ARAP3: variants seen among roughly 807,000 people sequenced by gnomAD.
ARAP3 encodes the protein arf-GAP with Rho-GAP domain, ANK repeat and PH domain-containing protein 3.
A neutral mutation model predicts 169.2 loss-of-function variants in ARAP3; 82 were observed. The ratio of observed to expected loss-of-function variants is 0.48; its 90% CI spans 0.41 to 0.58. The LOEUF (loss-of-function observed/expected upper bound fraction) is 0.58, where lower values mean the gene tolerates loss of function less well. Ranked by LOEUF, ARAP3 falls within the 20% of genes least tolerant of loss-of-function variation. ARAP3 has a pLI of 0.00. For missense variants in ARAP3, 1,764 were observed against 2,018.0 expected, an observed-to-expected ratio of 0.87 and a Z score of 2.41; for synonymous variants, 791 against 800.3, an observed-to-expected ratio of 0.99 and a Z score of 0.20.
chr5:141,670,014 T>A lies in ARAP3; in HGVS notation c.2157A>T (p.Ala719=). 1 of 1,597,770 alleles carries A rather than the reference T, an allele frequency of 6.3e-7. No individual in the cohort carries two copies. Reference sequence around the variant, plus strand: ...TGAGGGGTTCAGGGCTGTTTTCCGATGCAAACATTTCCAGAGCTGCTCCCA... The same window carrying A: ...TGAGGGGTTCAGGGCTGTTTTCCGAAGCAAACATTTCCAGAGCTGCTCCCA... The part of the protein sequence containing the change: ...CVLGAALEMF[A]SENSPEPLSL... The change falls in exon 15 of 33, where the codon GCA becomes GCT. Residue 719 remains alanine, a synonymous_variant. Coordinates refer to ENST00000239440, the MANE Select transcript of ARAP3 (RefSeq NM_022481.6).
At position 141,672,567 on chromosome 5, in the gene ARAP3, G is replaced by C. The variant is rs751183357; in HGVS notation, c.1370C>G (p.Pro457Arg). ...TKSRSFDLLT[P>R]HRCFSFTAES... ...CAGGCCCCACCTGAAGCAGCGATGG[G>C]GTGTGAGCAGGTCAAAGCTTCGACT... Residue 457 changes from proline (P) to arginine (R), a missense_variant, in exon 9 of 33, where the codon CCC (proline) becomes CGC (arginine). Around this residue, in one of 3 missense-constraint regions of ARAP3, gnomAD observed 630 missense variants for 678.7 expected, o/e 0.93. Transcript: ENST00000239440. The surrounding 1 kb of genome is among the most constrained non-coding windows in gnomAD (Gnocchi z 4.9). 1.1e-5 allele frequency: 17 copies of C among 1,614,028 alleles called. No homozygotes were observed. The highest frequency in any genetic ancestry group is 1.4e-5 in the Non-Finnish European group (16 of 1,180,012).
Position 141,679,745 on chromosome 5 carries a change from G to A in ARAP3, c.586+16C>T, listed in dbSNP as rs375840137. ...CGGCACTATCCCTCTCCCCCAACCC[G>A]TGATAACCCAGTTACCTGTGCCTGT... On this transcript the variant is annotated intron_variant, in intron 3 of 32. Transcript: ENST00000239440. 7.8e-5 allele frequency: 126 copies of A among 1,613,992 alleles called. No individual in the cohort carries two copies. Among genetic ancestry groups the A allele is most frequent in the Non-Finnish European group, 9.7e-5 (114 of 1,180,032 alleles).
At chr5:141,656,159 G>A in intron 28 of ARAP3, 35 bp downstream of exon 28, 4 of 1,614,032 alleles carry the variant, frequency 2.5e-6, no homozygotes, top group Non-Finnish European at 3.4e-6. Context: ...AAGGCAGGAA[G>A]GCCCTGGAAG....
In ARAP3 at chr5:141,670,026, C is replaced by T; in HGVS notation, c.2145G>A (p.Leu715=). 3 of 1,598,948 alleles carry T rather than the reference C, an allele frequency of 1.9e-6. No homozygotes were observed. Among genetic ancestry groups the T allele is most frequent in the African/African-American group, 1.4e-5 (1 of 73,674 alleles). Residue 715 remains leucine (L), a synonymous_variant, in exon 15 of 33, where the codon CTG becomes CTA. Transcript: ENST00000239440. ...GGCTGTTTTCCGATGCAAACATTTC[C>T]AGAGCTGCTCCCAGCACACACCAAA... ...PRLWCVLGAA[L]EMFASENSPE...
At chr5:141,675,370 G>A (rs1371106938) in intron 4 of ARAP3, among the ~76,000 whole-genome samples, 1 of 152,026 alleles carries the variant, frequency 6.6e-6, no homozygotes, top group Non-Finnish European at 1.5e-5. Flanking sequence ...GAATCTCTGG[G>A]AGAGGGCCCA....
At chr5:141,655,224 C>CAACA in intron 32 of ARAP3, 138 bp downstream of exon 32, 1 of 430,540 alleles carries the variant, frequency 2.3e-6, no homozygotes, top group East Asian at 3.5e-5. Flanking sequence ...CCCTGATGGC[C>CAACA]TACACACACA....
rs1363528915 is a variant in ARAP3, at chr5:141,670,567, G to T, written c.2052C>A (p.Tyr684Ter). ...CAGCTTTGTTGCTGACGGGACTGCA[G>T]TACAGGAAGCCGCTGTAAGTAGCAC... ...VVRATYSGFL[Y>*]CSPVSNKAGP... The change falls in exon 14 of 33, where the codon TAC (tyrosine) becomes TAA (stop). Residue 684 changes from tyrosine (Y) to a stop codon, truncating the protein, a stop_gained. Transcript: ENST00000239440. LOFTEE classifies it high-confidence loss of function. 1 of 1,614,132 alleles carries T rather than the reference G, an allele frequency of 6.2e-7. No homozygotes were observed. The highest frequency in any genetic ancestry group is 8.5e-7 in the Non-Finnish European group (1 of 1,179,988).
chr5:141,654,163 A>G lies in ARAP3; in HGVS notation c.4422T>C (p.Ser1474=). Residue 1474 remains serine, a synonymous_variant, in exon 33 of 33, where the codon AGT becomes AGC. Coordinates refer to ENST00000239440, the MANE Select transcript of ARAP3 (RefSeq NM_022481.6). ...CCTCTAGGGACCCCCGTGCCTGGGG[A>G]CTGCTCTTTGAAGGGGGGCCTGGAG... ...EPPPGPPSKS[S]PQARGSLEEQ... 2 of 1,613,536 alleles carry G rather than the reference A, an allele frequency of 1.2e-6. No homozygotes were observed. The highest frequency in any genetic ancestry group is 2.2e-5 in the South Asian group (2 of 91,056).
intron 32 of ARAP3, among the ~76,000 whole-genome samples, chr5:141,654,983 C>A (rs1250788473): frequency 6.6e-6 from 1 of 152,078 alleles, no homozygotes; most frequent in Non-Finnish European, 1.5e-5. Flanking sequence ...AGGGGATCCA[C>A]CCACCTCAGC....
Position 141,662,183 on chromosome 5 carries a change from C to T in ARAP3, c.2873G>A (p.Arg958His), listed in dbSNP as rs369947092. 8.7e-6 allele frequency: 14 copies of T among 1,614,114 alleles called. No homozygotes were observed. Among genetic ancestry groups the T allele is most frequent in the South Asian group, 2.2e-5 (2 of 91,084 alleles). ...ARSLRLLAEF[R>H]RDARSVKLRP... ...GAGCTTCACCGACCGGGCATCCCGA[C>T]GGAACTCAGCCAGGAGTCTCAGGCT... The change falls in exon 20 of 33, where the codon CGT becomes CAT. Residue 958 changes from arginine to histidine, a missense_variant. This residue lies in a region of ARAP3 where 1,112 missense variants were observed against 1,285.7 expected (regional missense o/e 0.86). Coordinates refer to ENST00000239440, the MANE Select transcript of ARAP3 (RefSeq NM_022481.6).
chr5:141,662,628 C>T (rs2099910111), intron 19 of ARAP3, among the ~76,000 whole-genome samples: 1 of 152,192 alleles, frequency 6.6e-6, no homozygotes, highest in Non-Finnish European at 1.5e-5. Context: ...TTGGCATTTT[C>T]ATCATCATTT....
At chr5:141,655,214 C>CACACACACACA in intron 32 of ARAP3, 148 bp downstream of exon 32, 3 of 642,232 alleles carry the variant, frequency 4.7e-6, no homozygotes, top group Non-Finnish European at 7.7e-6. Context: ...CACACACACA[C>CACACACACACA]CCTGATGGCC....
chr5:141,659,890 C>A lies in ARAP3; in HGVS notation c.3156G>T (p.Thr1052=), dbSNP rs1274117037. 6.3e-7 allele frequency: 1 copy of A among 1,584,568 alleles called. No homozygotes were observed. Among genetic ancestry groups the A allele is most frequent in the African/African-American group, 1.3e-5 (1 of 74,914 alleles). ...QKCAALNQMC[T]RNLALLFAPS... ...GTGCAAACAGCAGAGCCAAGTTCCG[C>A]GTGCACATCTGGTTTAGAGCCGCAC... Residue 1052 remains threonine, a synonymous_variant, in exon 22 of 33, where the codon ACG becomes ACT. Coordinates refer to ENST00000239440, the MANE Select transcript of ARAP3 (RefSeq NM_022481.6).
Position 141,671,294 on chromosome 5 carries a change from T to G in ARAP3, c.1961A>C (p.Asp654Ala), listed in dbSNP as rs1367034998. 6.2e-7 allele frequency: 1 copy of G among 1,612,574 alleles called. No homozygotes were observed. The highest frequency in any genetic ancestry group is 1.3e-5 in the African/African-American group (1 of 74,848). ...GEEPWFPPAPDGSCPGLLPSD... is the reference protein window; with the variant it reads ...GEEPWFPPAPAGSCPGLLPSD... ...GGGCAAGAGGCCAGGGCAGCTGCCA[T>G]CAGGGGCTGGGGGGAACCAGGGCTC... Residue 654 changes from aspartate (D) to alanine (A), a missense_variant, in exon 13 of 33, where the codon GAT becomes GCT. Transcript: ENST00000239440. The surrounding 1 kb of genome is among the most constrained non-coding windows in gnomAD (Gnocchi z 4.9).
chr5:141,658,996 T>C (rs907670060), intron 23 of ARAP3, among the ~76,000 whole-genome samples: 1 of 152,242 alleles, frequency 6.6e-6, no homozygotes, highest in African/African-American at 2.4e-5. Flanking sequence ...AGTTGTATCA[T>C]ACTAACATGA....
chr5:141,656,088 G>T lies in ARAP3; in HGVS notation c.3884C>A (p.Thr1295Lys). The T allele has an allele frequency of 1.2e-6, 2 of 1,614,200 alleles. No individual in the cohort carries two copies. The highest frequency in any genetic ancestry group is 8.5e-7 in the Non-Finnish European group (1 of 1,180,046). ...CAGGTGCATCTTCTCTAGTATCAAT[G>T]TGAAGCCCCACCTGGGAGACAAAGA... is the stretch of plus-strand genomic sequence containing the variant. ...KLKPPTPWGF[T>K]LILEKMHLYL... Residue 1295 changes from threonine (T) to lysine (K), a missense_variant, in exon 29 of 33, where the codon ACA becomes AAA. Transcript: ENST00000239440.
At chr5:141,659,337 G>A in intron 23 of ARAP3, 71 bp downstream of exon 23, 1 of 1,445,876 alleles carries the variant, frequency 6.9e-7, no homozygotes, top group Non-Finnish European at 9.7e-7. Context: ...CCTCAACTGG[G>A]CAGAAAGTCA....
chr5:141,656,082 A>G lies in ARAP3; in HGVS notation c.3890T>C (p.Ile1297Thr). 1 of 1,614,182 alleles carries G rather than the reference A, an allele frequency of 6.2e-7. No individual in the cohort carries two copies. Among genetic ancestry groups the G allele is most frequent in the East Asian group, 2.2e-5 (1 of 44,878 alleles). ...KPPTPWGFTL[I>T]LEKMHLYLSC... ...TACTCACAGGTGCATCTTCTCTAGT[A>G]TCAATGTGAAGCCCCACCTGGGAGA... Residue 1297 changes from isoleucine (I) to threonine (T), a missense_variant, in exon 29 of 33, where the codon ATA (isoleucine) becomes ACA (threonine). This residue lies in a region of ARAP3 where 1,112 missense variants were observed against 1,285.7 expected (regional missense o/e 0.86). Coordinates refer to ENST00000239440, the MANE Select transcript of ARAP3 (RefSeq NM_022481.6).
Position 141,665,305 on chromosome 5 carries a change from A to C in ARAP3, c.2636+6T>G, listed in dbSNP as rs745790557. ...GAGCCCCAGGTCAAGGGCAGGGGCA[A>C]TTTACCTTCCTGTCTCCACCAGGAC... On this transcript the variant is annotated splice_donor_region_variant and intron_variant, in intron 18 of 32. Coordinates refer to ENST00000239440, the MANE Select transcript of ARAP3 (RefSeq NM_022481.6). The C allele has an allele frequency of 9.3e-6, 15 of 1,614,170 alleles. No homozygotes were observed. Among genetic ancestry groups the C allele is most frequent in the Non-Finnish European group, 1.3e-5 (15 of 1,180,022 alleles).
Sources: allele counts gnomAD v4.1 joint callset (sites outside exome capture counted in the v4.1 genomes callset), GRCh38; gene constraint gnomAD v4.1.1; regional missense constraint gnomAD v4.1.1; non-coding constraint Gnocchi (gnomAD v3.1); transcripts MANE v1.5; gene names NCBI Gene and HGNC (gene_info 2026-07-23, HGNC 2026-07-21).